The following DLGAP2 variants were observed in gnomAD, a reference collection of about 807,000 sequenced individuals.
DLGAP2 encodes disks large-associated protein 2.
Under a neutral mutation model 100.3 loss-of-function variants are expected in DLGAP2, and 26 were observed. The ratio of observed to expected loss-of-function variants is 0.26; its 90% confidence interval spans 0.19 to 0.36. The LOEUF (loss-of-function observed/expected upper bound fraction) is 0.36. Among genes scored for constraint, DLGAP2 ranks in the 10% least tolerant of loss-of-function variants. The pLI, the probability that DLGAP2 is intolerant of heterozygous loss-of-function variation, is 1.00. For synonymous variants in DLGAP2, 886 were observed against 630.1 expected, an observed-to-expected ratio of 1.41 and a Z score of -6.08; for missense variants, 1,858 against 1,453.2, an observed-to-expected ratio of 1.28 and a Z score of -4.53.
At chr8:1,386,340 C>G (rs773890459) in intron 3 of DLGAP2, among the ~76,000 whole-genome samples, 1 of 152,212 alleles carries the variant, frequency 6.6e-6, no homozygotes, top group African/African-American at 2.4e-5. Flanking sequence ...ATGAATACAA[C>G]ATAGGCCGAC....
chr8:1,425,047 A>T (rs1797201036), intron 3 of DLGAP2, among the ~76,000 whole-genome samples: 1 of 152,226 alleles, frequency 6.6e-6, no homozygotes, highest in Non-Finnish European at 1.5e-5. Context: ...TCTCAATTTA[A>T]ACATTTAAAA....
At chr8:1,311,464 A>C (rs1275180558) in intron 3 of DLGAP2, among the ~76,000 whole-genome samples, 1 of 152,224 alleles carries the variant, frequency 6.6e-6, no homozygotes, top group Non-Finnish European at 1.5e-5. Context: ...AGCCCGATAA[A>C]AATGGTCATA....
Position 1,626,802 on chromosome 8 carries a change from A to C in DLGAP2, c.1505A>C (p.Asn502Thr). ...PVGHSLDPAA[N>T]YNSPKFRSRN... ...GGACACAGCCTGGACCCCGCTGCGA[A>C]CTACAACTCCCCGAAATTCCGCTCC... is the stretch of plus-strand genomic sequence containing the variant. Residue 502 changes from asparagine (N) to threonine (T), a missense_variant, in exon 7 of 15, where the codon AAC becomes ACC. Asn to Thr is a moderately conservative substitution (Grantham distance 65). Coordinates refer to ENST00000637795, the MANE Select transcript of DLGAP2 (RefSeq NM_001346810.2). The C allele has an allele frequency of 6.2e-7, 1 of 1,604,706 alleles. No individual in the cohort carries two copies. The highest frequency in any genetic ancestry group is 8.5e-7 in the Non-Finnish European group (1 of 1,176,004).
At chr8:863,718 A>G (rs1408167582) in intron 1 of DLGAP2, among the ~76,000 whole-genome samples, 1 of 152,230 alleles carries the variant, frequency 6.6e-6, no homozygotes, top group Non-Finnish European at 1.5e-5. Context: ...CAAAAAGACA[A>G]AGACAGCAGA....
chr8:1,085,963 AT>A (rs1299382758), intron 2 of DLGAP2, among the ~76,000 whole-genome samples: 1 of 152,118 alleles, frequency 6.6e-6, no homozygotes, highest in Non-Finnish European at 1.5e-5. Context: ...GTTTTTAGTT[AT>A]GGTTCTTTTA....
rs534399083 is a variant in DLGAP2, at chr8:1,182,113, G to A, written c.74-76738G>A. On this transcript the variant is annotated intron_variant, in intron 2 of 14. Transcript: ENST00000637795. ...GAGCTGATCTTCAGCTCACAACAGCGTCTCCTCCGTGTTCTGTTCCTGAGG... is the reference window on the plus strand; with the variant it reads ...GAGCTGATCTTCAGCTCACAACAGCATCTCCTCCGTGTTCTGTTCCTGAGG... Among the ~76,000 whole-genome samples, 11 of 152,350 alleles carry A rather than the reference G, an allele frequency of 7.2e-5. No homozygotes were observed. The South Asian group carries it at 1.0e-3, about 14-fold the overall frequency.
intron 3 of DLGAP2, among the ~76,000 whole-genome samples, chr8:1,428,299 T>C (rs1415477134): frequency 6.6e-6 from 1 of 152,044 alleles, no homozygotes; most frequent in Admixed American, 6.6e-5. Flanking sequence ...TTTAAAAAGC[T>C]AGATAAAAAG....
rs148024711 is a variant in DLGAP2, at chr8:1,703,446, T to A, written c.*2040T>A. On this transcript the variant is annotated 3_prime_UTR_variant, in exon 15 of 15. Transcript: ENST00000637795. Reference sequence around the variant, plus strand: ...CTTCCTATATCCACTCTTATTATGTTAAAACAAATGTATTTGCGAGTATTG... The same window carrying A: ...CTTCCTATATCCACTCTTATTATGTAAAAACAAATGTATTTGCGAGTATTG... The A allele has an allele frequency of 6.6e-6, 1 of 152,646 alleles. No homozygotes were observed. The highest frequency in any genetic ancestry group is 2.4e-5 in the African/African-American group (1 of 41,456). The allele number at this position is 152,646 out of a possible 1,614,324, so 9.5% of individuals were successfully genotyped here.
chr8:751,789 C>A (rs1479857383), intron 1 of DLGAP2, among the ~76,000 whole-genome samples: 1 of 151,970 alleles, frequency 6.6e-6, no homozygotes, highest in Non-Finnish European at 1.5e-5. Context: ...GTTCATCTGA[C>A]ATTTTATAGT....
At chr8:1,646,336 G>A (rs1798040291) in intron 8 of DLGAP2, among the ~76,000 whole-genome samples, 1 of 152,094 alleles carries the variant, frequency 6.6e-6, no homozygotes, top group African/African-American at 2.4e-5. Flanking sequence ...TTGACGACAG[G>A]AGCCAATTCC....
chr8:1,008,500 A>G (rs981570209), intron 2 of DLGAP2, among the ~76,000 whole-genome samples: 1 of 152,272 alleles, frequency 6.6e-6, no homozygotes, highest in Non-Finnish European at 1.5e-5. Flanking sequence ...ATATAAAATC[A>G]TATTTTCTTA....
At chr8:1,363,541 G>T (rs1802034855) in intron 3 of DLGAP2, among the ~76,000 whole-genome samples, 1 of 152,244 alleles carries the variant, frequency 6.6e-6, no homozygotes, top group Non-Finnish European at 1.5e-5. Context: ...CTGCAGGGAT[G>T]GTGGGGTCCC....
At chr8:872,273 T>TTA (rs1471293949) in intron 1 of DLGAP2, among the ~76,000 whole-genome samples, 12 of 151,998 alleles carry the variant, frequency 7.9e-5, no homozygotes, top group Non-Finnish European at 1.6e-4. Context: ...GATGCTGCAC[T>TTA]TATATTTAAT....
chr8:1,639,051 C>T (rs1396430904), intron 8 of DLGAP2, among the ~76,000 whole-genome samples: 5 of 152,292 alleles, frequency 3.3e-5, no homozygotes, highest in Admixed American at 1.3e-4. Flanking sequence ...TCTCAGCAGC[C>T]GAAGCCAACA....
chr8:966,265 G>T (rs143259284), intron 2 of DLGAP2, among the ~76,000 whole-genome samples: 1 of 152,200 alleles, frequency 6.6e-6, no homozygotes, highest in African/African-American at 2.4e-5. Flanking sequence ...AGTTGTCCAC[G>T]TTGGGGTATG....
chr8:916,364 C>T lies in DLGAP2; in HGVS notation c.73+8398C>T, dbSNP rs561450042. ...ATGCAGCCATAAAAAATGATGAGTTCTTGTCCTTTTTAGGGACGTGGATGA... is the reference window on the plus strand; with the variant it reads ...ATGCAGCCATAAAAAATGATGAGTTTTTGTCCTTTTTAGGGACGTGGATGA... On this transcript the variant is annotated intron_variant, in intron 2 of 14. Coordinates refer to ENST00000637795, the MANE Select transcript of DLGAP2 (RefSeq NM_001346810.2). Among the ~76,000 whole-genome samples, 17 of 152,300 alleles carry T rather than the reference C, an allele frequency of 1.1e-4. No individual in the cohort carries two copies. The East Asian group carries it at 3.3e-3, about 29-fold the overall frequency.
At chr8:1,158,189 C>T (rs1023921012) in intron 2 of DLGAP2, among the ~76,000 whole-genome samples, 7 of 152,144 alleles carry the variant, frequency 4.6e-5, no homozygotes, top group African/African-American at 1.4e-4. Flanking sequence ...CCTAAATTTG[C>T]CAGTTTGAAT....
chr8:1,344,154 CGTGGGTCTTTGT>C (rs1801497166), intron 3 of DLGAP2, among the ~76,000 whole-genome samples: 1 of 151,458 alleles, frequency 6.6e-6, no homozygotes, highest in Non-Finnish European at 1.5e-5. Flanking sequence ...GGGGCCCTGT[CGTGGGTCTTTGT>C]ACTCGGGGCG....
chr8:1,349,979 T>C (rs1435018004), intron 3 of DLGAP2, among the ~76,000 whole-genome samples: 7 of 152,244 alleles, frequency 4.6e-5, no homozygotes. Context: ...TCTATTTTTT[T>C]TCAGCAACCA....
Sources: gnomAD v4.1 joint callset for allele counts (sites outside exome capture counted in the v4.1 genomes callset) on GRCh38, gnomAD v4.1.1 for gene constraint, MANE v1.5 for transcripts, NCBI Gene and HGNC (gene_info 2026-07-23, HGNC 2026-07-21) for gene names.